Variants in DLG2 observed in about 807,000 individuals in gnomAD.
DLG2 encodes disks large homolog 2.
In DLG2, 45 loss-of-function variants were observed where a neutral mutation model predicts 132.5. The observed-to-expected ratio is 0.34, with a 90% confidence interval of 0.27 to 0.44. The LOEUF is 0.44. Among genes scored for constraint, DLG2 ranks in the 20% least tolerant of loss-of-function variants. DLG2 has a pLI of 1.00. For synonymous variants in DLG2, 424 were observed against 419.6 expected, an observed-to-expected ratio of 1.01 and a Z score of -0.13; for missense variants, 1,045 against 1,196.9, an observed-to-expected ratio of 0.87 and a Z score of 1.87.
chr11:85,516,598 A>G (rs2094174329), intron 3 of DLG2, among the ~76,000 whole-genome samples: 1 of 152,108 alleles, frequency 6.6e-6, no homozygotes, highest in South Asian at 2.1e-4. Flanking sequence ...AGACATTACA[A>G]CTGAAACCAC....
intron 16 of DLG2, among the ~76,000 whole-genome samples, chr11:83,867,960 T>C (rs1376495893): frequency 6.6e-6 from 1 of 151,338 alleles, no homozygotes; most frequent in Non-Finnish European, 1.5e-5. Context: ...AGTAAGGAAA[T>C]GGAAAAAAAA....
At chr11:85,215,423 G>A (rs1595449904) in intron 4 of DLG2, among the ~76,000 whole-genome samples, 2 of 152,200 alleles carry the variant, frequency 1.3e-5, no homozygotes, top group Non-Finnish European at 2.9e-5. Flanking sequence ...GTGTGCTGAA[G>A]GAATTCAGAA....
intron 18 of DLG2, among the ~76,000 whole-genome samples, chr11:83,664,606 A>C (rs1354571986): frequency 6.6e-6 from 1 of 152,172 alleles, no homozygotes; most frequent in South Asian, 2.1e-4. Context: ...TGACTTCAGA[A>C]AACTCACAGT....
rs372020736 is a variant in DLG2 at position 84,988,122 on chromosome 11, C to A, written c.357+123539G>T. Among the ~76,000 whole-genome samples, 14 of 152,070 alleles carry A rather than the reference C, an allele frequency of 9.2e-5. No homozygotes were observed. The South Asian group carries it at 1.5e-3, about 16-fold the overall frequency. On this transcript the variant is annotated intron_variant, in intron 6 of 27. Transcript: ENST00000376104. The stretch of plus-strand genomic sequence containing the variant: ...TTCTCAAAAGAAGATATAAAAATGG[C>A]CAAGAAACGTAGGAAAAAATGCTCA...
intron 6 of DLG2, among the ~76,000 whole-genome samples, chr11:84,699,048 C>T (rs1263606912): frequency 1.3e-5 from 2 of 151,442 alleles, no homozygotes; most frequent in African/African-American, 4.8e-5. Context: ...ACCCTCTGTG[C>T]CCCACTCTCG....
At chr11:83,930,526 A>G (rs1379119782) in intron 14 of DLG2, 43 bp from the exon 15 acceptor site, 1 of 1,583,988 alleles carries the variant, frequency 6.3e-7, no homozygotes, top group Admixed American at 1.7e-5. Flanking sequence ...TGGTTAGTAC[A>G]TACAAGGAAC....
chr11:85,541,320 G>C (rs1239050657), intron 3 of DLG2, among the ~76,000 whole-genome samples: 1 of 151,608 alleles, frequency 6.6e-6, no homozygotes, highest in South Asian at 2.1e-4. Context: ...TTATATACTA[G>C]GTCATTTCTT....
chr11:83,669,416 G>C (rs1268836472), intron 18 of DLG2, among the ~76,000 whole-genome samples: 2 of 152,086 alleles, frequency 1.3e-5, no homozygotes, highest in East Asian at 1.9e-4. Flanking sequence ...TACATATATA[G>C]ATGTATGTAT....
At chr11:84,775,519 A>T (rs2070293947) in intron 6 of DLG2, among the ~76,000 whole-genome samples, 1 of 152,204 alleles carries the variant, frequency 6.6e-6, no homozygotes, top group Non-Finnish European at 1.5e-5. Flanking sequence ...GAATAAACTT[A>T]AGTGTCCATC....
chr11:85,431,215 C>T (rs1285086372), intron 3 of DLG2, among the ~76,000 whole-genome samples: 1 of 152,126 alleles, frequency 6.6e-6, no homozygotes, highest in East Asian at 1.9e-4. Flanking sequence ...CTGAGGTATC[C>T]ATGTTCTGTC....
chr11:85,064,321 C>G (rs990262421), intron 6 of DLG2, among the ~76,000 whole-genome samples: 1 of 151,766 alleles, frequency 6.6e-6, no homozygotes, highest in Non-Finnish European at 1.5e-5. Context: ...TGAATGAATA[C>G]ACTGAAAGGT....
chr11:84,155,309 G>A (rs1174584492), intron 9 of DLG2, among the ~76,000 whole-genome samples: 1 of 152,024 alleles, frequency 6.6e-6, no homozygotes, highest in Non-Finnish European at 1.5e-5. Context: ...CTCTGTGCAG[G>A]GTTCCCAGTT....
intron 11 of DLG2, among the ~76,000 whole-genome samples, chr11:84,030,674 T>C (rs1456726282): frequency 2.6e-5 from 4 of 152,238 alleles, no homozygotes; most frequent in South Asian, 4.2e-4. Context: ...TTTCCCAGAT[T>C]GCGAGGATCA....
intron 18 of DLG2, among the ~76,000 whole-genome samples, chr11:83,644,406 C>T (rs2067505467): frequency 6.6e-6 from 1 of 152,096 alleles, no homozygotes; most frequent in South Asian, 2.1e-4. Context: ...AAGGAAGAAT[C>T]GGCAAAGAGA....
intron 3 of DLG2, among the ~76,000 whole-genome samples, chr11:85,555,249 G>T (rs1203568334): frequency 1.3e-5 from 2 of 151,840 alleles, no homozygotes; most frequent in Non-Finnish European, 2.9e-5. Flanking sequence ...TGAATCAGAA[G>T]TCATAAAATT....
intron 6 of DLG2, among the ~76,000 whole-genome samples, chr11:84,828,897 C>A (rs889187905): frequency 5.9e-5 from 9 of 151,680 alleles, no homozygotes; most frequent in African/African-American, 2.2e-4. Flanking sequence ...AGGACAGTCC[C>A]TATGTACTAA....
rs549799319 is a variant in DLG2 at position 84,389,142 on chromosome 11, G to A, written c.520-137851C>T. ...AGGAGGATTAATTTGAAAAGAACTC[G>A]CTAACATTTCTGAGGTTTCCTCAGC... On this transcript the variant is annotated intron_variant, in intron 7 of 27. Coordinates refer to ENST00000376104, the MANE Select transcript of DLG2 (RefSeq NM_001142699.3). Among the ~76,000 whole-genome samples, 14 of 152,160 alleles carry A rather than the reference G, an allele frequency of 9.2e-5. No individual in the cohort carries two copies. The East Asian group carries it at 1.9e-3, about 21-fold the overall frequency.
At chr11:84,923,932 A>C (rs1197158103) in intron 6 of DLG2, among the ~76,000 whole-genome samples, 1 of 152,172 alleles carries the variant, frequency 6.6e-6, no homozygotes, top group Non-Finnish European at 1.5e-5. Context: ...TTATTGGTAC[A>C]TGACAATCAG....
intron 21 of DLG2, among the ~76,000 whole-genome samples, chr11:83,486,618 C>A (rs574294936): frequency 1.3e-5 from 2 of 152,170 alleles, no homozygotes; most frequent in Non-Finnish European, 2.9e-5. Flanking sequence ...TATCATGAAT[C>A]ATCTGATTGG....
Sources: gnomAD v4.1 joint callset for allele counts (sites outside exome capture counted in the v4.1 genomes callset) on GRCh38, gnomAD v4.1.1 for gene constraint, MANE v1.5 for transcripts, NCBI Gene and HGNC (gene_info 2026-07-23, HGNC 2026-07-21) for gene names.